The following HMGA2 variants were observed in gnomAD, a reference collection of about 807,000 sequenced individuals.
HMGA2 encodes high mobility group protein HMGI-C.
A neutral mutation model predicts 19.1 loss-of-function variants in HMGA2; 8 were observed. The observed-to-expected ratio is 0.42, with a 90% confidence interval of 0.25 to 0.76. HMGA2 has a LOEUF of 0.76. Among genes scored for constraint, HMGA2 ranks in the 30% least tolerant of loss-of-function variants. The pLI is 0.28. For synonymous variants in HMGA2, 60 were observed against 48.8 expected (o/e 1.23, Z -0.96); for missense variants, 109 against 136.3 (o/e 0.80, Z 1.00).
intron 2 of HMGA2, among the ~76,000 whole-genome samples, chr12:65,834,594 T>TCCTCCCTC (rs1046425792): frequency 7.4e-6 from 1 of 135,154 alleles, no homozygotes; most frequent in African/African-American, 2.7e-5. Context: ...CTTCCTCCCT[T>TCCTCCCTC]CCTCCCTCCC....
rs1876821693 is a variant in HMGA2, at chr12:65,963,686, A to C, written c.*394A>C. On this transcript the variant is annotated 3_prime_UTR_variant, in exon 5 of 5. Transcript: ENST00000403681. ...TCACTGCACTGCATGCAAACAAGAA[A>C]CGTGTCACACTTGTGACGTCGGGCA... 5.4e-6 allele frequency: 2 copies of C among 371,080 alleles called. No individual in the cohort carries two copies. Among genetic ancestry groups the C allele is most frequent in the East Asian group, 9.8e-5 (2 of 20,468 alleles). 23.0% of individuals were successfully genotyped at this position (371,080 alleles called of 1,614,324 possible). A position where few individuals can be genotyped will look rare whatever the true frequency, so the allele number is the denominator to read the frequency against.
Position 65,965,964 on chromosome 12 carries a change from C to T in HMGA2, c.*2672C>T, listed in dbSNP as rs80228028. 1,374 of 220,366 alleles carry T rather than the reference C, an allele frequency of 6.2e-3. 20 individuals carry two copies. Among genetic ancestry groups the T allele is most frequent in the African/African-American group, 0.029 (1,286 of 44,664 alleles). The allele number at this position is 220,366 out of a possible 1,614,324, so 13.7% of individuals were successfully genotyped here. The stretch of plus-strand genomic sequence containing the variant: ...AGGACTGTTCTTTGCTGTTGTTGGT[C>T]GCAGCTACATAAGACTGGACATTTA... On this transcript the variant is annotated 3_prime_UTR_variant, in exon 5 of 5. Coordinates refer to ENST00000403681, the MANE Select transcript of HMGA2 (RefSeq NM_003483.6).
intron 2 of HMGA2, among the ~76,000 whole-genome samples, chr12:65,831,718 C>T (rs865999703): frequency 6.6e-6 from 1 of 151,786 alleles, no homozygotes; most frequent in African/African-American, 2.4e-5. Context: ...TTGCATTTCT[C>T]GAAATGTGGT....
chr12:65,944,121 CCTAT>C (rs759922016), intron 3 of HMGA2, among the ~76,000 whole-genome samples: 1 of 152,116 alleles, frequency 6.6e-6, no homozygotes, highest in Non-Finnish European at 1.5e-5. Context: ...ATATCATATT[CCTAT>C]CTAATTATCA....
At position 65,893,103 on chromosome 12, in the gene HMGA2, A is replaced by G. The variant is rs1270725431; in HGVS notation, c.249+54534A>G. On this transcript the variant is annotated intron_variant, in intron 3 of 4. Coordinates refer to ENST00000403681, the MANE Select transcript of HMGA2 (RefSeq NM_003483.6). Reference sequence around the variant, plus strand: ...CCGGTCACAGGCTCCTATTATAGTCATGCCCCACTGACTCAGCCCCCATTT... The same window carrying G: ...CCGGTCACAGGCTCCTATTATAGTCGTGCCCCACTGACTCAGCCCCCATTT... Among the ~76,000 whole-genome samples, 4 of 152,178 alleles carry G rather than the reference A, an allele frequency of 2.6e-5. No individual in the cohort carries two copies. In the East Asian group the frequency reaches 7.7e-4, roughly 29 times the overall value.
At position 65,825,001 on chromosome 12, in the gene HMGA2, G is replaced by T; in HGVS notation, c.-270G>T. ...ACCTCCACCGCCACCTCCACCTCCG[G>T]CACCCACCCACCGCCGCCGCCGCCA... On this transcript the variant is annotated 5_prime_UTR_variant, in exon 1 of 5. Coordinates refer to ENST00000403681, the MANE Select transcript of HMGA2 (RefSeq NM_003483.6). The surrounding 1 kb of genome is among the most constrained non-coding windows in gnomAD (Gnocchi z 4.4). The T allele has an allele frequency of 2.4e-6, 1 of 413,524 alleles. No individual in the cohort carries two copies. The highest frequency in any genetic ancestry group is 4.3e-6 in the Non-Finnish European group (1 of 231,910). The allele number at this position is 413,524 out of a possible 1,614,324, so 25.6% of individuals were successfully genotyped here.
chr12:65,960,152 G>A (rs1876711978), intron 4 of HMGA2, among the ~76,000 whole-genome samples: 1 of 152,192 alleles, frequency 6.6e-6, no homozygotes, highest in Non-Finnish European at 1.5e-5. Flanking sequence ...GCCTCCCAAA[G>A]TGCTGGGATT....
intron 3 of HMGA2, among the ~76,000 whole-genome samples, chr12:65,909,935 G>A (rs1029760202): frequency 6.6e-6 from 1 of 152,198 alleles, no homozygotes; most frequent in African/African-American, 2.4e-5. Flanking sequence ...CCTCTCTTAG[G>A]AGATGGCTGC....
chr12:65,929,984 G>A (rs1361919847), intron 3 of HMGA2, among the ~76,000 whole-genome samples: 1 of 151,994 alleles, frequency 6.6e-6, no homozygotes, highest in Non-Finnish European at 1.5e-5. Context: ...CTGTAGAGGG[G>A]GGAAACCATG....
intron 3 of HMGA2, among the ~76,000 whole-genome samples, chr12:65,886,705 C>T (rs74713911): frequency 6.6e-6 from 1 of 152,064 alleles, no homozygotes; most frequent in African/African-American, 2.4e-5. Context: ...CTGAGAAGGA[C>T]GTGAGCTAAA....
chr12:65,828,955 T>A (rs1870355018), intron 2 of HMGA2: 1 of 152,304 alleles, frequency 6.6e-6, no homozygotes, highest in Non-Finnish European at 1.5e-5. Flanking sequence ...TTTGACTTTA[T>A]AAATAAATTG....
In HMGA2 at chr12:65,942,397, TA is replaced by T. The variant is rs377598568; in HGVS notation, c.250-8980del. On this transcript the variant is annotated intron_variant, in intron 3 of 4. Coordinates refer to ENST00000403681, the MANE Select transcript of HMGA2 (RefSeq NM_003483.6). Reference sequence around the variant, plus strand: ...CATATAGAATAAATAATTTGGGCCTTAAAAAATATGTATATATGTGTGTGTG... The same window carrying T: ...CATATAGAATAAATAATTTGGGCCTTAAAAATATGTATATATGTGTGTGTG... Among the ~76,000 whole-genome samples, 84 of 152,304 alleles carry T rather than the reference TA, an allele frequency of 5.5e-4. 1 individual carries two copies. In the East Asian group the frequency reaches 0.014, roughly 25 times the overall value.
Position 65,880,514 on chromosome 12 carries a change from C to T in HMGA2, c.249+41945C>T, listed in dbSNP as rs541636600. 1.5e-4 allele frequency among the ~76,000 whole-genome samples: 23 copies of T among 152,282 alleles called. No individual in the cohort carries two copies. In the South Asian group the frequency reaches 3.9e-3, roughly 26 times the overall value. On this transcript the variant is annotated intron_variant, in intron 3 of 4. Coordinates refer to ENST00000403681, the MANE Select transcript of HMGA2 (RefSeq NM_003483.6). ...TATGGGAAATTAGAGACCTCAAACA[C>T]AGTCCCTGTATATTAAAGATAACAA...
intron 3 of HMGA2, among the ~76,000 whole-genome samples, chr12:65,948,740 T>TTTTC (rs1876353267): frequency 6.6e-6 from 1 of 152,172 alleles, no homozygotes; most frequent in Admixed American, 6.5e-5. Flanking sequence ...AGAAGTTCCG[T>TTTTC]GACACGGACT....
At chr12:65,906,599 A>G (rs1874601804) in intron 3 of HMGA2, among the ~76,000 whole-genome samples, 1 of 152,126 alleles carries the variant, frequency 6.6e-6, no homozygotes. Context: ...AGCATTTAGA[A>G]TCCGGGTGGT....
At chr12:65,835,094 T>G (rs1469893626) in intron 2 of HMGA2, among the ~76,000 whole-genome samples, 1 of 152,210 alleles carries the variant, frequency 6.6e-6, no homozygotes, top group East Asian at 1.9e-4. Context: ...TGAGAATTAG[T>G]TATGCCTCTG....
intron 3 of HMGA2, among the ~76,000 whole-genome samples, chr12:65,867,996 C>T (rs1872516897): frequency 6.6e-6 from 1 of 152,208 alleles, no homozygotes. Context: ...TCACAAGCAC[C>T]TTGTAGATCT....
chr12:65,842,866 G>A (rs1201927612), intron 3 of HMGA2: 4 of 1,303,476 alleles, frequency 3.1e-6, no homozygotes, highest in South Asian at 2.6e-5. Context: ...GAAAGTTTTA[G>A]AGAGTGGGGC....
intron 4 of HMGA2, chr12:65,952,582 G>A: frequency 1.7e-6 from 2 of 1,198,118 alleles, no homozygotes; most frequent in Non-Finnish European, 2.2e-6. Context: ...GAGTGGGAGA[G>A]GGGTGCTAAA....
Sources: gnomAD v4.1 joint callset for allele counts (sites outside exome capture counted in the v4.1 genomes callset) on GRCh38, gnomAD v4.1.1 for gene constraint, Gnocchi (gnomAD v3.1) non-coding constraint, MANE v1.5 for transcripts, NCBI Gene and HGNC (gene_info 2026-07-23, HGNC 2026-07-21) for gene names.